The following HEATR4 variants were observed in gnomAD, a reference collection of about 807,000 sequenced individuals.
HEATR4 encodes HEAT repeat containing 4, also known as HEAT repeat-containing protein 4.
In HEATR4, 95 loss-of-function variants were observed where a neutral mutation model predicts 108.8. The ratio of observed to expected loss-of-function variants is 0.87; its 90% CI spans 0.74 to 1.04. The LOEUF (loss-of-function observed/expected upper bound fraction) is 1.04, where lower values mean the gene tolerates loss of function less well. Ranked by LOEUF, HEATR4 falls within the 50% of genes least tolerant of loss-of-function variation. HEATR4 has a pLI of 0.00. For missense variants in HEATR4, 1,152 were observed against 1,253.8 expected, an observed-to-expected ratio of 0.92 and a Z score of 1.23; for synonymous variants, 443 against 459.4, an observed-to-expected ratio of 0.96 and a Z score of 0.46.
chr14:73,516,603 C>T (rs969336324), intron 5 of HEATR4, among the ~76,000 whole-genome samples: 12 of 152,140 alleles, frequency 7.9e-5, no homozygotes, highest in African/African-American at 2.9e-4. Context: ...CACTAGCCAT[C>T]TTCCACATCA....
chr14:73,579,091 GAA>G, the HEATR4 span, among the ~76,000 whole-genome samples: 4,502 of 94,100 alleles, frequency 0.048, 135 homozygotes, highest in Non-Finnish European at 0.076. Context: ...TCAAAAAAAA[GAA>G]AAAAAAAAAA....
At chr14:73,569,925 C>A in the HEATR4 span, 2 of 1,575,672 alleles carry the variant, frequency 1.3e-6, no homozygotes, top group Non-Finnish European at 8.6e-7. Context: ...GTTCGCCTTT[C>A]ACTTTGTGTG....
intron 16 of HEATR4, among the ~76,000 whole-genome samples, chr14:73,494,034 A>C (rs1885956442): frequency 6.6e-6 from 1 of 152,182 alleles, no homozygotes; most frequent in Non-Finnish European, 1.5e-5. Flanking sequence ...TGCTGTCATA[A>C]GGGCAGCATG....
chr14:73,584,334 A>G, the HEATR4 span, among the ~76,000 whole-genome samples: 221 of 150,334 alleles, frequency 1.5e-3, 2 homozygotes, highest in African/African-American at 4.1e-3. Context: ...ACTCACCTCC[A>G]TCTCTTTTTC....
rs1444511982 is a variant in HEATR4 at position 73,539,168 on chromosome 14, G to A, written c.-151-8924C>T. The stretch of plus-strand genomic sequence containing the variant: ...TGACAGTGCAGAGGTTTTGGTGCCT[G>A]CCCGCCCACCATTGCTCCAGCTGCA... On this transcript the variant is annotated intron_variant, in intron 1 of 17. Coordinates refer to ENST00000553558, the MANE Select transcript of HEATR4 (RefSeq NM_001220484.1). The A allele has an allele frequency of 1.8e-5, 2 of 113,924 alleles. 1 individual carries two copies. The highest frequency in any genetic ancestry group is 3.8e-5 in the Non-Finnish European group (2 of 52,312). 7.1% of individuals were successfully genotyped at this position (113,924 alleles called of 1,614,324 possible). A position where few individuals can be genotyped will look rare whatever the true frequency, so the allele number is the denominator to read the frequency against.
chr14:73,587,824 T>C, the HEATR4 span, among the ~76,000 whole-genome samples: 1 of 152,210 alleles, frequency 6.6e-6, no homozygotes, highest in Non-Finnish European at 1.5e-5. Flanking sequence ...GAGAATTATC[T>C]AGCAGCAAAA....
intron 17 of HEATR4, among the ~76,000 whole-genome samples, chr14:73,480,568 TA>T: frequency 6.6e-6 from 1 of 152,270 alleles, no homozygotes; most frequent in Admixed American, 6.5e-5. Flanking sequence ...GTATGTGAAA[TA>T]AAAAATGAAG....
At chr14:73,565,877 G>A in the HEATR4 span, among the ~76,000 whole-genome samples, 5 of 152,156 alleles carry the variant, frequency 3.3e-5, no homozygotes, top group African/African-American at 9.6e-5. Context: ...GGACCCCAGC[G>A]GGTTGCCACT....
chr14:73,496,107 G>A (rs534186424), intron 15 of HEATR4, among the ~76,000 whole-genome samples: 3 of 152,202 alleles, frequency 2.0e-5, no homozygotes, highest in African/African-American at 7.2e-5. Context: ...TCCAGCCTGG[G>A]CGACAGAGCG....
intron 12 of HEATR4, among the ~76,000 whole-genome samples, chr14:73,500,230 AAAAC>A (rs765949666): frequency 7.1e-4 from 108 of 152,104 alleles, no homozygotes; most frequent in Middle Eastern, 3.4e-3. Context: ...ACTCCGTCTC[AAAAC>A]AAACAAACAA....
intron 8 of HEATR4, among the ~76,000 whole-genome samples, chr14:73,508,613 G>A (rs963677941): frequency 6.6e-6 from 1 of 151,914 alleles, no homozygotes; most frequent in African/African-American, 2.4e-5. Flanking sequence ...GCCAGGCGTG[G>A]TGGCATGCGC....
At chr14:73,511,007 T>G (rs1391780279) in intron 7 of HEATR4, among the ~76,000 whole-genome samples, 2 of 152,186 alleles carry the variant, frequency 1.3e-5, no homozygotes, top group Non-Finnish European at 2.9e-5. Flanking sequence ...ACAGGATTTA[T>G]ATCATAACCA....
the HEATR4 span, among the ~76,000 whole-genome samples, chr14:73,597,579 CTTTTTTCTTTTCT>C: frequency 7.2e-6 from 1 of 138,160 alleles, no homozygotes; most frequent in East Asian, 2.2e-4. Flanking sequence ...CTTTTTTTTT[CTTTTTTCTTTTCT>C]TTTTTTTTTT....
Position 73,541,556 on chromosome 14 carries a change from G to C in HEATR4, c.-151-11312C>G. The C allele has an allele frequency of 1.6e-6, 2 of 1,244,310 alleles. 1 individual carries two copies. Among genetic ancestry groups the C allele is most frequent in the Non-Finnish European group, 2.1e-6 (2 of 936,464 alleles). The allele number at this position is 1,244,310 out of a possible 1,614,324, so 77.1% of individuals were successfully genotyped here. On this transcript the variant is annotated intron_variant, in intron 1 of 17. Coordinates refer to ENST00000553558, the MANE Select transcript of HEATR4 (RefSeq NM_001220484.1). ...ACTGGAGGTGGCCTGCTGGAGTATC[G>C]GGCTAGTCTGCTGGCTGGGAAGGGT...
At chr14:73,588,839 C>T in the HEATR4 span, among the ~76,000 whole-genome samples, 1 of 152,084 alleles carries the variant, frequency 6.6e-6, no homozygotes, top group African/African-American at 2.4e-5. Flanking sequence ...GGAACAGGGA[C>T]ATGAACCCTG....
At chr14:73,571,857 G>A in the HEATR4 span, among the ~76,000 whole-genome samples, 1 of 152,084 alleles carries the variant, frequency 6.6e-6, no homozygotes, top group African/African-American at 2.4e-5. Flanking sequence ...CCTGTCAAAT[G>A]GAAATTTGAG....
At chr14:73,516,681 G>A (rs1887619898) in intron 5 of HEATR4, among the ~76,000 whole-genome samples, 1 of 152,166 alleles carries the variant, frequency 6.6e-6, no homozygotes, top group South Asian at 2.1e-4. Flanking sequence ...GGCCTGTTAG[G>A]AACCGGGCCA....
At chr14:73,604,346 G>C in the HEATR4 span, among the ~76,000 whole-genome samples, 1 of 149,522 alleles carries the variant, frequency 6.7e-6, no homozygotes, top group South Asian at 2.1e-4. Context: ...TGTAATTTTA[G>C]TAGAGATAGG....
chr14:73,601,648 AT>A, the HEATR4 span, among the ~76,000 whole-genome samples: 1 of 152,244 alleles, frequency 6.6e-6, no homozygotes, highest in Non-Finnish European at 1.5e-5. Context: ...ATGATGAGTC[AT>A]AGAAACCATA....
Sources: gnomAD v4.1 joint callset for allele counts (sites outside exome capture counted in the v4.1 genomes callset) on GRCh38, gnomAD v4.1.1 for gene constraint, MANE v1.5 for transcripts, NCBI Gene and HGNC (gene_info 2026-07-23, HGNC 2026-07-21) for gene names.